Variants in MAP4 observed in about 807,000 individuals in gnomAD.
The protein encoded by MAP4 is microtubule-associated protein 4.
Under a neutral mutation model 170.2 loss-of-function variants are expected in MAP4, and 76 were observed. The ratio of observed to expected loss-of-function variants is 0.45; its 90% CI spans 0.37 to 0.54. The LOEUF (loss-of-function observed/expected upper bound fraction) is 0.54, where lower values mean the gene tolerates loss of function less well. Ranked by LOEUF, MAP4 falls within the 20% of genes least tolerant of loss-of-function variation. MAP4 has a pLI of 0.00. For missense variants in MAP4, 2,506 were observed against 2,748.0 expected, an observed-to-expected ratio of 0.91 and a Z score of 1.97; for synonymous variants, 909 against 994.5, an observed-to-expected ratio of 0.91 and a Z score of 1.62.
chr3:47,936,477 T>C (rs2100052912), intron 3 of MAP4, among the ~76,000 whole-genome samples: 1 of 151,058 alleles, frequency 6.6e-6, no homozygotes, highest in Middle Eastern at 3.2e-3. Context: ...GAGAGACTTA[T>C]GGATCAGGTA....
rs2100079670 is a variant in MAP4, at chr3:47,972,973, A to G, written c.292+4892T>C. The G allele has an allele frequency of 4.2e-6, 4 of 957,710 alleles. No individual in the cohort carries two copies. In the South Asian group the frequency reaches 1.5e-4, roughly 35 times the overall value. The allele number at this position is 957,710 out of a possible 1,614,324, so 59.3% of individuals were successfully genotyped here. ...AGTCCATACAATTAATCCGGGTGGGATTAGAAGCTATATTAGACCTAGAAC... is the reference window on the plus strand; with the variant it reads ...AGTCCATACAATTAATCCGGGTGGGGTTAGAAGCTATATTAGACCTAGAAC... On this transcript the variant is annotated intron_variant, in intron 3 of 20. Coordinates refer to ENST00000683076, the MANE Select transcript of MAP4 (RefSeq NM_001385682.1).
intron 9 of MAP4, among the ~76,000 whole-genome samples, chr3:47,904,706 C>T (rs2100031953): frequency 6.6e-6 from 1 of 151,860 alleles, no homozygotes; most frequent in Admixed American, 6.6e-5. Flanking sequence ...CACTCTATCG[C>T]CCAGGCTGGA....
At chr3:48,016,823 G>C (rs2100108047), upstream of MAP4, among the ~76,000 whole-genome samples, 1 of 150,488 alleles carries the variant, frequency 6.6e-6, no homozygotes, top group Admixed American at 6.6e-5. Flanking sequence ...TGCCCAGGCT[G>C]GAGAATGCAG....
chr3:47,957,826 T>C (rs900583351), intron 3 of MAP4, among the ~76,000 whole-genome samples: 1 of 152,160 alleles, frequency 6.6e-6, no homozygotes, highest in African/African-American at 2.4e-5. Flanking sequence ...AGAGACACCT[T>C]ACATGGTGCT....
intron 1 of MAP4, among the ~76,000 whole-genome samples, chr3:48,010,690 T>C (rs1003146288): frequency 2.6e-5 from 4 of 152,208 alleles, no homozygotes; most frequent in Non-Finnish European, 4.4e-5. Context: ...TGTGAGGGTG[T>C]TGCCAAAGGA....
chr3:48,063,146 TAA>T (rs112104186), intron 1 of MAP4, among the ~76,000 whole-genome samples: 1 of 141,830 alleles, frequency 7.1e-6, no homozygotes, highest in African/African-American at 2.6e-5. Flanking sequence ...TCAAATTCAT[TAA>T]AAAAAAAAAA....
intron 10 of MAP4, among the ~76,000 whole-genome samples, chr3:47,883,309 C>T (rs1254246065): frequency 6.6e-6 from 1 of 152,096 alleles, no homozygotes; most frequent in East Asian, 1.9e-4. Context: ...CCACGACCTC[C>T]ACCTCCCGAG....
chr3:48,017,698 AT>A (rs925612991), upstream of MAP4, among the ~76,000 whole-genome samples: 1 of 151,986 alleles, frequency 6.6e-6, no homozygotes, highest in African/African-American at 2.4e-5. Context: ...CTCCCTCCTC[AT>A]TTGTGAAAGT....
At chr3:48,042,502 T>A (rs897634378) in intron 1 of MAP4, among the ~76,000 whole-genome samples, 1 of 152,018 alleles carries the variant, frequency 6.6e-6, no homozygotes, top group Non-Finnish European at 1.5e-5. Context: ...AAAGATAATA[T>A]ACAAATGGCC....
chr3:48,042,383 G>A (rs1474989379), intron 1 of MAP4, among the ~76,000 whole-genome samples: 2 of 152,180 alleles, frequency 1.3e-5, no homozygotes, highest in Non-Finnish European at 2.9e-5. Flanking sequence ...GAGAAACGGA[G>A]TTTGTTTTTT....
At chr3:48,030,565 A>G (rs2100115523) in intron 1 of MAP4, among the ~76,000 whole-genome samples, 1 of 151,876 alleles carries the variant, frequency 6.6e-6, no homozygotes, top group Non-Finnish European at 1.5e-5. Flanking sequence ...TTGGGAGGCC[A>G]AGGCAGGCAG....
chr3:47,852,688 T>A lies in MAP4; in HGVS notation c.*246A>T. ...AGGGAGATGGGCCCAGGCTGGGGAG[T>A]GAGAGGAGGTGTGGGGCAGGGCTGC... On this transcript the variant is annotated 3_prime_UTR_variant, in exon 21 of 21. Coordinates refer to ENST00000683076, the MANE Select transcript of MAP4 (RefSeq NM_001385682.1). The A allele has an allele frequency of 7.1e-7, 1 of 1,399,172 alleles. No homozygotes were observed. Among genetic ancestry groups the A allele is most frequent in the Non-Finnish European group, 9.5e-7 (1 of 1,051,674 alleles). 86.7% of individuals were successfully genotyped at this position (1,399,172 alleles called of 1,614,324 possible).
chr3:48,074,725 T>TGTGTGTGTGTGTGTGTGTGTGTGA (rs756153345), intron 1 of MAP4, among the ~76,000 whole-genome samples: 48 of 147,406 alleles, frequency 3.3e-4, no homozygotes, highest in East Asian at 8.1e-4. Flanking sequence ...TGTGTGTGTG[T>TGTGTGTGTGTGTGTGTGTGTGTGA]GATATGTCGG....
At chr3:48,074,726 G>GTGTGTGTGTGTGTGTGAT (rs1003251844) in intron 1 of MAP4, among the ~76,000 whole-genome samples, 2 of 147,558 alleles carry the variant, frequency 1.4e-5, no homozygotes, top group African/African-American at 5.0e-5. Context: ...GTGTGTGTGT[G>GTGTGTGTGTGTGTGTGAT]ATATGTCGGC....
intron 2 of MAP4, among the ~76,000 whole-genome samples, chr3:47,996,727 CAA>C (rs2100095891): frequency 1.6e-5 from 2 of 128,100 alleles, no homozygotes; most frequent in Non-Finnish European, 3.2e-5. Context: ...AGCATTCAAT[CAA>C]AAACTAAGAC....
chr3:47,951,789 G>A lies in MAP4; in HGVS notation c.293-23439C>T, dbSNP rs1279908291. Among the ~76,000 whole-genome samples, 8 of 152,076 alleles carry A rather than the reference G, an allele frequency of 5.3e-5. No homozygotes were observed. The East Asian group carries it at 1.5e-3, about 29-fold the overall frequency. On this transcript the variant is annotated intron_variant, in intron 3 of 20. Transcript: ENST00000683076. Reference sequence around the variant, plus strand: ...GCAGCCACCCCGTCTGGGAAGTGAGGAGCGTCTCTGCCTGGCCGCCCATCG... The same window carrying A: ...GCAGCCACCCCGTCTGGGAAGTGAGAAGCGTCTCTGCCTGGCCGCCCATCG...
At chr3:48,045,604 A>C (rs1352770144) in intron 1 of MAP4, among the ~76,000 whole-genome samples, 1 of 152,212 alleles carries the variant, frequency 6.6e-6, no homozygotes, top group Non-Finnish European at 1.5e-5. Context: ...ATCAGTGCTA[A>C]AAAGGTTGAG....
chr3:48,044,111 T>G (rs1410753710), intron 1 of MAP4, among the ~76,000 whole-genome samples: 1 of 151,684 alleles, frequency 6.6e-6, no homozygotes, highest in Non-Finnish European at 1.5e-5. Flanking sequence ...CCCAAAGTGC[T>G]GGGAGTACAG....
rs2100035721 is a variant in MAP4 at position 47,911,043 on chromosome 3, T to G, written c.3378A>C (p.Gln1126His). The change falls in exon 9 of 21, where the codon CAA becomes CAC. Residue 1126 changes from glutamine to histidine, a missense_variant. Around this residue, in one of 3 missense-constraint regions of MAP4, gnomAD observed 2,008 missense variants for 2,206.0 expected, o/e 0.91. Coordinates refer to ENST00000683076, the MANE Select transcript of MAP4 (RefSeq NM_001385682.1). This position sits in a 1 kb window ranked among gnomAD's most constrained non-coding sequence, Gnocchi z 4.0. ...SEELGLNSSK[Q>H]PGTKADLTEA... Reference sequence around the variant, plus strand: ...CCGTGAGATCAGCCTTAGTGCCTGGTTGCTTTGAAGAATTCAGCCCCAGCT... The same window carrying G: ...CCGTGAGATCAGCCTTAGTGCCTGGGTGCTTTGAAGAATTCAGCCCCAGCT... 6.5e-7 allele frequency: 1 copy of G among 1,536,194 alleles called. No individual in the cohort carries two copies. The highest frequency in any genetic ancestry group is 8.7e-7 in the Non-Finnish European group (1 of 1,146,910).
Sources: gnomAD v4.1 joint callset for allele counts (sites outside exome capture counted in the v4.1 genomes callset) on GRCh38, gnomAD v4.1.1 for gene constraint, gnomAD v4.1.1 regional missense constraint, Gnocchi (gnomAD v3.1) non-coding constraint, MANE v1.5 for transcripts, NCBI Gene and HGNC (gene_info 2026-07-23, HGNC 2026-07-21) for gene names.